Variants in SPTLC2 observed in about 807,000 individuals in gnomAD.
SPTLC2 encodes the protein serine palmitoyltransferase 2.
In SPTLC2, 21 loss-of-function variants were observed where a neutral mutation model predicts 62.0. That is an observed-to-expected ratio of 0.34 (90% CI 0.24 to 0.49). The LOEUF (loss-of-function observed/expected upper bound fraction) is 0.49. SPTLC2 is among the 20% of genes least tolerant of loss of function. SPTLC2 has a pLI of 0.99. For synonymous variants in SPTLC2, 261 were observed against 261.8 expected (o/e 1.00, Z 0.03); for missense variants, 511 against 713.0 (o/e 0.72, Z 3.23).
At chr14:77,590,465 C>G (rs192356197) in intron 2 of SPTLC2, among the ~76,000 whole-genome samples, 2 of 152,308 alleles carry the variant, frequency 1.3e-5, no homozygotes, top group East Asian at 1.9e-4. Flanking sequence ...AATCCCAGCA[C>G]TTTGGGAGGC....
intron 1 of SPTLC2, among the ~76,000 whole-genome samples, chr14:77,600,577 A>C (rs549877816): frequency 5.3e-5 from 8 of 152,374 alleles, no homozygotes; most frequent in African/African-American, 1.4e-4. Flanking sequence ...TTGCACGTCT[A>C]GCACCCAGGG....
At chr14:77,532,657 G>A (rs542650073) in intron 9 of SPTLC2, among the ~76,000 whole-genome samples, 14 of 152,096 alleles carry the variant, frequency 9.2e-5, no homozygotes, top group African/African-American at 2.2e-4. Context: ...GGTGGCAGGC[G>A]CCTGTAGTCC....
At chr14:77,562,926 T>C (rs1459671479) in intron 5 of SPTLC2, among the ~76,000 whole-genome samples, 1 of 152,194 alleles carries the variant, frequency 6.6e-6, no homozygotes, top group African/African-American at 2.4e-5. Context: ...ACTACTCATA[T>C]CCAGAGTCCA....
intron 9 of SPTLC2, among the ~76,000 whole-genome samples, chr14:77,545,465 C>T (rs776036252): frequency 6.6e-6 from 1 of 152,096 alleles, no homozygotes; most frequent in African/African-American, 2.4e-5. Flanking sequence ...GACAGGGTTT[C>T]GCCATGTTGG....
At chr14:77,535,820 A>C (rs1325998838) in intron 9 of SPTLC2, 1 of 355,746 alleles carries the variant, frequency 2.8e-6, no homozygotes, top group African/African-American at 2.2e-5. Context: ...GGCTATTAAA[A>C]CCAGGTGAAA....
rs34670650 is a variant in SPTLC2, at chr14:77,597,480, AT to A, written c.133-101del. On this transcript the variant is annotated intron_variant, in intron 1 of 11. Coordinates refer to ENST00000216484, the MANE Select transcript of SPTLC2 (RefSeq NM_004863.4). ...AGATTTGCTGAATTATACCTTAAGA[AT>A]TTTCTAAGTTCCGCCGGGCGCACTG... 0.44 allele frequency: 517,672 copies of A among 1,172,982 alleles called. 118,782 individuals are homozygous for A. Among genetic ancestry groups the A allele is most frequent in the East Asian group, 0.66 (25,985 of 39,398 alleles). The allele number at this position is 1,172,982 out of a possible 1,614,324, so 72.7% of individuals were successfully genotyped here.
At chr14:77,547,265 C>T (rs1245843638) in intron 9 of SPTLC2, among the ~76,000 whole-genome samples, 13 of 151,796 alleles carry the variant, frequency 8.6e-5, no homozygotes, top group Non-Finnish European at 1.6e-4. Flanking sequence ...AGATAAACTG[C>T]TAAACTCTAC....
chr14:77,533,326 T>C (rs1187957801), intron 9 of SPTLC2, among the ~76,000 whole-genome samples: 1 of 148,710 alleles, frequency 6.7e-6, no homozygotes, highest in Non-Finnish European at 1.5e-5. Context: ...AAAAAGTAAC[T>C]GTCTCTGGGT....
At chr14:77,560,123 A>G (rs912037594) in intron 6 of SPTLC2, among the ~76,000 whole-genome samples, 5 of 152,218 alleles carry the variant, frequency 3.3e-5, no homozygotes, top group African/African-American at 9.7e-5. Flanking sequence ...ATTTGGAAAG[A>G]TTTAAAATGA....
At chr14:77,587,106 T>G (rs2079785839) in intron 2 of SPTLC2, among the ~76,000 whole-genome samples, 1 of 152,074 alleles carries the variant, frequency 6.6e-6, no homozygotes, top group South Asian at 2.1e-4. Context: ...CGGGCGCCTG[T>G]AGTCCCAGCT....
chr14:77,596,029 A>G (rs1390896353), intron 2 of SPTLC2, among the ~76,000 whole-genome samples: 3 of 152,162 alleles, frequency 2.0e-5, no homozygotes, highest in East Asian at 3.8e-4. Context: ...CTTCAAGTCA[A>G]TAACAAGTAA....
At chr14:77,603,470 G>A (rs1476912509) in intron 1 of SPTLC2, among the ~76,000 whole-genome samples, 1 of 152,200 alleles carries the variant, frequency 6.6e-6, no homozygotes, top group Non-Finnish European at 1.5e-5. Flanking sequence ...ACATACTAGA[G>A]AGAACAGTTT....
chr14:77,519,164 C>T (rs1203043510), intron 10 of SPTLC2, among the ~76,000 whole-genome samples: 4 of 152,062 alleles, frequency 2.6e-5, no homozygotes, highest in Non-Finnish European at 5.9e-5. Context: ...CTCAGCCTCC[C>T]GAGCAGCTGG....
intron 6 of SPTLC2, among the ~76,000 whole-genome samples, chr14:77,561,723 G>C (rs996131170): frequency 6.6e-6 from 1 of 152,014 alleles, no homozygotes; most frequent in Non-Finnish European, 1.5e-5. Flanking sequence ...CAAAAATGAT[G>C]TTATCATCTA....
At chr14:77,572,634 A>G (rs184917553) in intron 4 of SPTLC2, among the ~76,000 whole-genome samples, 28 of 152,312 alleles carry the variant, frequency 1.8e-4, no homozygotes, top group African/African-American at 6.5e-4. Context: ...TCTTCTTTCA[A>G]TTTAAAGCTG....
chr14:77,535,878 T>G lies in SPTLC2; in HGVS notation c.1304-14297A>C, dbSNP rs376866424. 1.0e-4 allele frequency: 45 copies of G among 430,358 alleles called. 1 individual carries two copies. In the East Asian group the frequency reaches 1.7e-3, roughly 16 times the overall value. The allele number at this position is 430,358 out of a possible 1,614,324, so 26.7% of individuals were successfully genotyped here. ...TAAATAACAATGAGATATGGAGAAG[T>G]AGACAGGTTCAAAGATATTAAGGAA... is the stretch of plus-strand genomic sequence containing the variant. On this transcript the variant is annotated intron_variant, in intron 9 of 11. Coordinates refer to ENST00000216484, the MANE Select transcript of SPTLC2 (RefSeq NM_004863.4).
intron 9 of SPTLC2, among the ~76,000 whole-genome samples, chr14:77,539,917 C>T (rs1418507560): frequency 6.6e-6 from 1 of 152,106 alleles, no homozygotes; most frequent in Non-Finnish European, 1.5e-5. Context: ...CACAATTAAG[C>T]CAGGCAAGGT....
chr14:77,543,177 G>A (rs958834413), intron 9 of SPTLC2, among the ~76,000 whole-genome samples: 17 of 152,316 alleles, frequency 1.1e-4, no homozygotes, highest in Admixed American at 2.0e-4. Context: ...AGCCGCCTGA[G>A]TAGCTGGGAC....
chr14:77,613,686 G>T (rs1011695632), intron 1 of SPTLC2, among the ~76,000 whole-genome samples: 3 of 152,096 alleles, frequency 2.0e-5, no homozygotes, highest in Non-Finnish European at 4.4e-5. Context: ...GTGAGGAAAA[G>T]AATTTACATC....
Sources: allele counts gnomAD v4.1 joint callset (sites outside exome capture counted in the v4.1 genomes callset), GRCh38; gene constraint gnomAD v4.1.1; transcripts MANE v1.5; gene names NCBI Gene and HGNC (gene_info 2026-07-23, HGNC 2026-07-21).